STARD13: variants seen among roughly 807,000 people sequenced by gnomAD.
STARD13 encodes the protein StAR related lipid transfer domain containing 13.
In STARD13, 62 loss-of-function variants were observed where a neutral mutation model predicts 106.4. The observed-to-expected ratio is 0.58, with a 90% CI of 0.48 to 0.72. STARD13 has a LOEUF of 0.72. Ranked by LOEUF, STARD13 falls within the 30% of genes least tolerant of loss-of-function variation. The pLI is 0.00. For synonymous variants in STARD13, 565 were observed against 553.0 expected (o/e 1.02, Z -0.31); for missense variants, 1,387 against 1,424.0 (o/e 0.97, Z 0.42).
At chr13:33,110,479 G>C (rs561760892) in intron 11 of STARD13, among the ~76,000 whole-genome samples, 2 of 152,234 alleles carry the variant, frequency 1.3e-5, no homozygotes, top group South Asian at 4.2e-4. Context: ...AGACAGGACC[G>C]GGATCCAGCT....
intron 3 of STARD13, among the ~76,000 whole-genome samples, chr13:33,162,833 C>A (rs1016143169): frequency 1.3e-5 from 2 of 151,962 alleles, no homozygotes; most frequent in Non-Finnish European, 2.9e-5. Context: ...TTCTTCTGAG[C>A]CTTCCACACT....
At position 33,115,271 on chromosome 13, in the gene STARD13, C is replaced by T. The variant is rs185651467; in HGVS notation, c.2282-2340G>A. Among the ~76,000 whole-genome samples the T allele has an allele frequency of 7.1e-3, 1,086 of 152,326 alleles. 51 individuals carry two copies. Among genetic ancestry groups the T allele is most frequent in the Non-Finnish European group, 1.4e-3 (94 of 68,034 alleles). ...TGGAGAAATGGAGGAGGAACCGTTC[C>T]TCTCTGCCACAGTAGCAGTTTGGAA... On this transcript the variant is annotated intron_variant, in intron 8 of 13. Coordinates refer to ENST00000336934, the MANE Select transcript of STARD13 (RefSeq NM_178006.4).
chr13:33,162,973 C>G (rs565944423), intron 3 of STARD13, among the ~76,000 whole-genome samples: 1 of 152,164 alleles, frequency 6.6e-6, no homozygotes, highest in South Asian at 2.1e-4. Context: ...AAAGACATAC[C>G]CAAGACTGGG....
At chr13:33,651,629 C>T in the STARD13 span, among the ~76,000 whole-genome samples, 1 of 152,216 alleles carries the variant, frequency 6.6e-6, no homozygotes, top group South Asian at 2.1e-4. Context: ...CCATGTCTGG[C>T]ACAAGATTTT....
At chr13:33,342,074 C>A (rs558513201) in intron 1 of STARD13, among the ~76,000 whole-genome samples, 1 of 152,204 alleles carries the variant, frequency 6.6e-6, no homozygotes, top group Non-Finnish European at 1.5e-5. Flanking sequence ...GGATTACAGG[C>A]ATAAGCCACT....
chr13:33,446,811 T>C, the STARD13 span, among the ~76,000 whole-genome samples: 39 of 152,362 alleles, frequency 2.6e-4, no homozygotes, highest in African/African-American at 8.9e-4. Context: ...AGCATTTTAA[T>C]AAGCATTCTT....
chr13:33,163,779 T>A (rs1883023524), intron 3 of STARD13, among the ~76,000 whole-genome samples: 1 of 145,200 alleles, frequency 6.9e-6, no homozygotes, highest in Non-Finnish European at 1.5e-5. Flanking sequence ...ATGTTATACC[T>A]CAACTTAATG....
the STARD13 span, among the ~76,000 whole-genome samples, chr13:33,616,429 T>C: frequency 1.3e-5 from 2 of 152,246 alleles, no homozygotes; most frequent in South Asian, 4.1e-4. Context: ...GACTTTCTGC[T>C]CTTCCGCATA....
At chr13:33,596,792 T>C in the STARD13 span, among the ~76,000 whole-genome samples, 1 of 152,188 alleles carries the variant, frequency 6.6e-6, no homozygotes, top group Non-Finnish European at 1.5e-5. Flanking sequence ...GCAATATTTG[T>C]CTTTCTGTGC....
chr13:33,219,639 A>T (rs972661097), intron 1 of STARD13, among the ~76,000 whole-genome samples: 2 of 150,566 alleles, frequency 1.3e-5, no homozygotes, highest in Admixed American at 6.6e-5. Flanking sequence ...TGAGTCCAGC[A>T]TGGATAACAT....
chr13:33,195,247 A>G (rs1886529165), intron 1 of STARD13, among the ~76,000 whole-genome samples: 1 of 152,248 alleles, frequency 6.6e-6, no homozygotes, highest in South Asian at 2.1e-4. Flanking sequence ...TTAATGCAAT[A>G]TATATTCCCC....
At chr13:33,536,017 T>C in the STARD13 span, among the ~76,000 whole-genome samples, 2 of 152,138 alleles carry the variant, frequency 1.3e-5, no homozygotes, top group Non-Finnish European at 1.5e-5. Flanking sequence ...CATCAGTGAT[T>C]TGGGGGACAT....
intron 4 of STARD13, chr13:33,138,482 C>T (rs1387605631): frequency 1.4e-5 from 2 of 146,394 alleles, no homozygotes; most frequent in African/African-American, 5.1e-5. Context: ...GAGACAGATG[C>T]CAACCAGACA....
At position 33,314,098 on chromosome 13, in the gene STARD13, T is replaced by A. The variant is rs114571363; in HGVS notation, c.124+36192A>T. 8.4e-4 allele frequency among the ~76,000 whole-genome samples: 128 copies of A among 152,280 alleles called. 1 individual carries two copies. The highest frequency in any genetic ancestry group is 3.7e-3 in the Admixed American group (56 of 15,288). ...CAGTGCGTGAATCCTTAGAGCTAGA[T>A]GTGGCATAGTTAACTGTGACATTAG... On this transcript the variant is annotated intron_variant, in intron 1 of 5. Transcript: ENST00000567873.
At chr13:33,209,469 T>C (rs555606809) in intron 1 of STARD13, among the ~76,000 whole-genome samples, 23 of 151,802 alleles carry the variant, frequency 1.5e-4, no homozygotes, top group Non-Finnish European at 2.4e-4. Flanking sequence ...CTTTTTTTTT[T>C]CCAAATTCCA....
chr13:33,538,452 C>T, the STARD13 span, among the ~76,000 whole-genome samples: 1 of 152,160 alleles, frequency 6.6e-6, no homozygotes, highest in Non-Finnish European at 1.5e-5. Flanking sequence ...CAGAAAGGGT[C>T]ACCTCAGGAG....
At chr13:33,147,428 T>C (rs1880699343) in intron 3 of STARD13, among the ~76,000 whole-genome samples, 1 of 152,172 alleles carries the variant, frequency 6.6e-6, no homozygotes, top group African/African-American at 2.4e-5. Flanking sequence ...TATTGTAACA[T>C]GCACAAAGAG....
intron 1 of STARD13, among the ~76,000 whole-genome samples, chr13:33,223,695 T>G (rs1355131186): frequency 1.3e-5 from 2 of 152,008 alleles, no homozygotes; most frequent in Non-Finnish European, 2.9e-5. Context: ...GTATAGTAGT[T>G]AAAAGTGTGG....
At chr13:33,257,675 C>G (rs1466540508) in intron 1 of STARD13, among the ~76,000 whole-genome samples, 1 of 152,104 alleles carries the variant, frequency 6.6e-6, no homozygotes, top group East Asian at 1.9e-4. Flanking sequence ...AATTATTTTA[C>G]CCTTACTTTT....
Sources: gnomAD v4.1 joint callset for allele counts (sites outside exome capture counted in the v4.1 genomes callset) on GRCh38, gnomAD v4.1.1 for gene constraint, MANE v1.5 for transcripts, NCBI Gene and HGNC (gene_info 2026-07-23, HGNC 2026-07-21) for gene names.